Variants in PRKN observed in about 807,000 individuals in gnomAD.
PRKN encodes parkin RBR E3 ubiquitin protein ligase.
A neutral mutation model predicts 59.5 loss-of-function variants in PRKN; 56 were observed. The observed-to-expected ratio is 0.94, with a 90% CI of 0.76 to 1.18. The LOEUF is 1.18. PRKN is among the 50% of genes most tolerant of loss of function. The pLI, the probability that PRKN is intolerant of heterozygous loss-of-function variation, is 0.00. For synonymous variants in PRKN, 250 were observed against 222.1 expected, an observed-to-expected ratio of 1.13 and a Z score of -1.12; for missense variants, 657 against 596.4, an observed-to-expected ratio of 1.10 and a Z score of -1.06.
At chr6:161,905,758 C>T (rs1318639007) in intron 6 of PRKN, among the ~76,000 whole-genome samples, 1 of 151,766 alleles carries the variant, frequency 6.6e-6, no homozygotes, top group Non-Finnish European at 1.5e-5. Context: ...GTTAGGCATT[C>T]AAGACCAGCC....
At chr6:161,785,186 T>G (rs989917295) in intron 7 of PRKN, among the ~76,000 whole-genome samples, 1 of 152,202 alleles carries the variant, frequency 6.6e-6, no homozygotes, top group African/African-American at 2.4e-5. Context: ...TTGTGCAACA[T>G]TGTGAATGCA....
chr6:161,683,060 G>T (rs1045350999), intron 7 of PRKN, among the ~76,000 whole-genome samples: 1 of 152,220 alleles, frequency 6.6e-6, no homozygotes, highest in African/African-American at 2.4e-5. Flanking sequence ...AGTTTTTAGG[G>T]AGGAGCATGC....
intron 6 of PRKN, among the ~76,000 whole-genome samples, chr6:161,879,309 G>A (rs1357189483): frequency 6.6e-6 from 1 of 150,438 alleles, no homozygotes; most frequent in East Asian, 1.9e-4. Context: ...CCAGGACAGG[G>A]ACATTCTGTA....
Position 162,011,431 on chromosome 6 carries a change from T to C in PRKN, c.619-38014A>G, listed in dbSNP as rs1467244262. On this transcript the variant is annotated intron_variant, in intron 5 of 11. Coordinates refer to ENST00000366898, the MANE Select transcript of PRKN (RefSeq NM_004562.3). ...ATAATATATTATATTTTATAATATA[T>C]ATGTTATATATTTATAATATATAAT... is the stretch of plus-strand genomic sequence containing the variant. 2.2e-4 allele frequency among the ~76,000 whole-genome samples: 5 copies of C among 22,730 alleles called. 2 individuals are homozygous for C. The highest frequency in any genetic ancestry group is 2.9e-4 in the Non-Finnish European group (5 of 17,096). The allele number at this position is 22,730 out of a possible 152,430, so 14.9% of individuals were successfully genotyped here. A position where few individuals can be genotyped will look rare whatever the true frequency, so the allele number is the denominator to read the frequency against.
At chr6:162,400,450 T>TAA (rs1360264422) in intron 2 of PRKN, among the ~76,000 whole-genome samples, 1 of 35,744 alleles carries the variant, frequency 2.8e-5, no homozygotes, top group Non-Finnish European at 5.0e-5. Flanking sequence ...CAGCAACATG[T>TAA]AAATATCAAA....
intron 1 of PRKN, among the ~76,000 whole-genome samples, chr6:162,674,953 G>C (rs1779478276): frequency 6.6e-6 from 1 of 152,150 alleles, no homozygotes; most frequent in Non-Finnish European, 1.5e-5. Context: ...TATATGGCTA[G>C]GGCAGTGACA....
intron 7 of PRKN, among the ~76,000 whole-genome samples, chr6:161,605,512 C>A (rs1263656540): frequency 1.4e-5 from 2 of 140,044 alleles, no homozygotes; most frequent in Non-Finnish European, 3.0e-5. Flanking sequence ...GCTGCCCTCT[C>A]TCTTTTTTTT....
rs1405541436 is a variant in PRKN, at chr6:161,410,255, C to G, written c.1084-23378G>C. 1.3e-5 allele frequency among the ~76,000 whole-genome samples: 2 copies of G among 152,100 alleles called. No individual in the cohort carries two copies. The highest frequency in any genetic ancestry group is 1.5e-5 in the Non-Finnish European group (1 of 68,034). On this transcript the variant is annotated intron_variant, in intron 9 of 11. Transcript: ENST00000366898. The surrounding 1 kb of genome is among the most constrained non-coding windows in gnomAD (Gnocchi z 5.3). ...TACGAGCATGTCTCAGCTGGTAGCCCTTGTCCCAGAGCTGGTGGCCTGCTG... is the reference window on the plus strand; with the variant it reads ...TACGAGCATGTCTCAGCTGGTAGCCGTTGTCCCAGAGCTGGTGGCCTGCTG...
chr6:162,311,019 T>C (rs1310674058), intron 2 of PRKN, among the ~76,000 whole-genome samples: 2 of 152,120 alleles, frequency 1.3e-5, no homozygotes, highest in Non-Finnish European at 2.9e-5. Flanking sequence ...TAGCGTTCTT[T>C]TTACTTGGTA....
intron 1 of PRKN, among the ~76,000 whole-genome samples, chr6:162,538,646 G>A (rs1359531097): frequency 2.6e-5 from 4 of 152,072 alleles, no homozygotes; most frequent in Non-Finnish European, 4.4e-5. Flanking sequence ...CTGAGGCAAC[G>A]ACCGCGTGTG....
At chr6:161,958,065 C>G (rs1477937572) in intron 6 of PRKN, among the ~76,000 whole-genome samples, 1 of 152,286 alleles carries the variant, frequency 6.6e-6, no homozygotes, top group Non-Finnish European at 1.5e-5. Context: ...GTCTAGTTGA[C>G]AACAAAATGC....
In PRKN at chr6:162,018,171, C is replaced by T. The variant is rs144015778; in HGVS notation, c.618+35920G>A. Among the ~76,000 whole-genome samples the T allele has an allele frequency of 7.8e-3, 1,182 of 152,254 alleles. 21 individuals are homozygous for T. The highest frequency in any genetic ancestry group is 0.028 in the African/African-American group (1,150 of 41,528). On this transcript the variant is annotated intron_variant, in intron 5 of 11. Coordinates refer to ENST00000366898, the MANE Select transcript of PRKN (RefSeq NM_004562.3). Reference sequence around the variant, plus strand: ...CCTCCCAAGTAGCTGAGACTACAGGCGCCCATCGCCATGCCCGGCTAATTT... The same window carrying T: ...CCTCCCAAGTAGCTGAGACTACAGGTGCCCATCGCCATGCCCGGCTAATTT...
At chr6:162,361,018 A>T (rs762821132) in intron 2 of PRKN, among the ~76,000 whole-genome samples, 29 of 152,220 alleles carry the variant, frequency 1.9e-4, no homozygotes, top group Non-Finnish European at 4.1e-4. Context: ...AGTGCCTTTT[A>T]TCTTAAGTGA....
chr6:161,843,927 G>C lies in PRKN; in HGVS notation c.735-58019C>G, dbSNP rs1167418823. On this transcript the variant is annotated intron_variant, in intron 6 of 11. Transcript: ENST00000366898. The stretch of plus-strand genomic sequence containing the variant: ...CCTAGGATCCCTGTTGGGATCTCTG[G>C]AGATGGTAACCTGCGTGGAAGGCTC... 2.0e-5 allele frequency among the ~76,000 whole-genome samples: 3 copies of C among 152,266 alleles called. No homozygotes were observed. The East Asian group carries it at 5.8e-4, about 29-fold the overall frequency.
At chr6:162,423,259 T>G (rs887720158) in intron 2 of PRKN, among the ~76,000 whole-genome samples, 9 of 152,118 alleles carry the variant, frequency 5.9e-5, no homozygotes, top group Non-Finnish European at 1.3e-4. Flanking sequence ...GAACTAAGTG[T>G]TGAGGTAATG....
intron 2 of PRKN, among the ~76,000 whole-genome samples, chr6:162,301,384 A>G (rs1221174266): frequency 6.6e-6 from 1 of 152,078 alleles, no homozygotes; most frequent in Non-Finnish European, 1.5e-5. Flanking sequence ...CCTCCTAAAT[A>G]TATGTCTGTT....
intron 6 of PRKN, among the ~76,000 whole-genome samples, chr6:161,829,150 T>C (rs923981280): frequency 2.0e-5 from 3 of 152,106 alleles, no homozygotes; most frequent in Non-Finnish European, 4.4e-5. Context: ...CACTTGAACC[T>C]GAGAGGCGGA....
chr6:161,672,446 T>C (rs1435194622), intron 7 of PRKN, among the ~76,000 whole-genome samples: 1 of 152,208 alleles, frequency 6.6e-6, no homozygotes, highest in Non-Finnish European at 1.5e-5. Context: ...ATTCTAATAT[T>C]AATCTTAAAG....
At chr6:162,670,696 T>C (rs994519054) in intron 1 of PRKN, among the ~76,000 whole-genome samples, 1 of 152,186 alleles carries the variant, frequency 6.6e-6, no homozygotes, top group African/African-American at 2.4e-5. Context: ...GTGGGTTTTA[T>C]GGAAGAAAAA....
Sources: gnomAD v4.1 joint callset for allele counts (sites outside exome capture counted in the v4.1 genomes callset) on GRCh38, gnomAD v4.1.1 for gene constraint, Gnocchi (gnomAD v3.1) non-coding constraint, MANE v1.5 for transcripts, NCBI Gene and HGNC (gene_info 2026-07-23, HGNC 2026-07-21) for gene names.